Variants in SYNE1 observed in about 807,000 individuals in gnomAD.
The protein encoded by SYNE1 is spectrin repeat containing nuclear envelope protein 1.
SYNE1 carries 616 observed loss-of-function variants against 1,111.0 expected under a neutral mutation model. That is an observed-to-expected ratio of 0.55 (90% CI 0.52 to 0.59). The LOEUF (loss-of-function observed/expected upper bound fraction) is 0.59, where lower values mean the gene tolerates loss of function less well. Among genes scored for constraint, SYNE1 ranks in the 20% least tolerant of loss-of-function variants. SYNE1 has a pLI of 0.00. For synonymous variants in SYNE1, 3,855 were observed against 3,825.8 expected (o/e 1.01, Z -0.28); for missense variants, 10,006 against 10,417.0 (o/e 0.96, Z 1.72).
chr6:152,402,239 T>A (rs2097831771), intron 46 of SYNE1, among the ~76,000 whole-genome samples: 1 of 152,134 alleles, frequency 6.6e-6, no homozygotes, highest in Non-Finnish European at 1.5e-5. Context: ...TTTTTCTGAC[T>A]TTTTTCATGC....
At chr6:152,608,556 T>C (rs2128754564) in intron 3 of SYNE1, among the ~76,000 whole-genome samples, 1 of 152,302 alleles carries the variant, frequency 6.6e-6, no homozygotes, top group East Asian at 1.9e-4. Context: ...GGTCAGACAC[T>C]CTAGAATCCA....
At chr6:152,320,870 A>G (rs1451618107) in intron 84 of SYNE1, among the ~76,000 whole-genome samples, 1 of 152,068 alleles carries the variant, frequency 6.6e-6, no homozygotes, top group Non-Finnish European at 1.5e-5. Flanking sequence ...ATCTTCACCT[A>G]CTTAACTGAC....
intron 44 of SYNE1, among the ~76,000 whole-genome samples, chr6:152,407,489 G>A (rs2154166099): frequency 6.6e-6 from 1 of 152,164 alleles, no homozygotes; most frequent in Non-Finnish European, 1.5e-5. Context: ...CTCAATATAA[G>A]GTTGAATTCT....
intron 3 of SYNE1, among the ~76,000 whole-genome samples, chr6:152,607,860 G>T (rs987207521): frequency 3.3e-5 from 5 of 152,178 alleles, no homozygotes; most frequent in Admixed American, 6.5e-5. Context: ...GCCATAAAAA[G>T]AAATGAGATC....
Position 152,239,661 on chromosome 6 carries a change from G to C in SYNE1, c.19939C>G (p.Leu6647Val). The C allele has an allele frequency of 6.2e-7, 1 of 1,614,212 alleles. No individual in the cohort carries two copies. Among genetic ancestry groups the C allele is most frequent in the Non-Finnish European group, 8.5e-7 (1 of 1,180,042 alleles). The change falls in exon 108 of 146, where the codon CTC (leucine) becomes GTC (valine). Residue 6647 changes from leucine to valine, a missense_variant. Physicochemically the swap from Leu to Val is conservative, Grantham distance 32 (BLOSUM62 1). Around this residue, in one of 7 missense-constraint regions of SYNE1, gnomAD observed 2,182 missense variants for 2,287.8 expected, o/e 0.95. Coordinates refer to ENST00000367255, the MANE Select transcript of SYNE1 (RefSeq NM_182961.4). ...GCAAAGCTGATTATCTTTCTGAAGAGTGTTTCAGTCAAGATCATATGAGAT... is the reference window on the plus strand; with the variant it reads ...GCAAAGCTGATTATCTTTCTGAAGACTGTTTCAGTCAAGATCATATGAGAT... ...LESHMILTETLFRKIISFAVQ... is the reference protein window; with the variant it reads ...LESHMILTETVFRKIISFAVQ...
At chr6:152,283,484 G>A (rs773756968) in intron 96 of SYNE1, among the ~76,000 whole-genome samples, 1 of 152,148 alleles carries the variant, frequency 6.6e-6, no homozygotes, top group Non-Finnish European at 1.5e-5. Flanking sequence ...CATATTCATG[G>A]CTACACACTG....
intron 78 of SYNE1, among the ~76,000 whole-genome samples, chr6:152,327,988 A>G (rs2096125631): frequency 6.6e-6 from 1 of 152,194 alleles, no homozygotes; most frequent in South Asian, 2.1e-4. Context: ...ATTTTATCCA[A>G]TATTAAAATT....
chr6:152,312,713 GAAGAA>G (rs2095591872), intron 87 of SYNE1, among the ~76,000 whole-genome samples: 1 of 149,994 alleles, frequency 6.7e-6, no homozygotes, highest in African/African-American at 2.4e-5. Context: ...AAAATATAAA[GAAGAA>G]AACAAAATAT....
chr6:152,452,562 C>T (rs1163233420), intron 25 of SYNE1, among the ~76,000 whole-genome samples: 1 of 152,144 alleles, frequency 6.6e-6, no homozygotes, highest in Admixed American at 6.6e-5. Context: ...CAAAGTGAGA[C>T]AACCTGATGG....
chr6:152,439,942 C>T (rs930629908), intron 32 of SYNE1, among the ~76,000 whole-genome samples: 1 of 152,136 alleles, frequency 6.6e-6, no homozygotes, highest in Non-Finnish European at 1.5e-5. Context: ...TTTGATGCCC[C>T]ATTGGAGTCT....
chr6:152,453,324 C>G, intron 25 of SYNE1: 1 of 598,722 alleles, frequency 1.7e-6, no homozygotes, highest in Middle Eastern at 4.4e-4. Context: ...TTCTTGCACC[C>G]TGGATTAAAA....
chr6:152,573,914 C>T (rs974550935), intron 3 of SYNE1, among the ~76,000 whole-genome samples: 1 of 152,098 alleles, frequency 6.6e-6, no homozygotes, highest in Non-Finnish European at 1.5e-5. Flanking sequence ...CATCAAAGCT[C>T]TGCTTCACCT....
At chr6:152,454,733 T>C (rs1478127374) in intron 24 of SYNE1, among the ~76,000 whole-genome samples, 1 of 152,198 alleles carries the variant, frequency 6.6e-6, no homozygotes, top group Non-Finnish European at 1.5e-5. Flanking sequence ...GAATGAGATA[T>C]TTTGTGTTTT....
chr6:152,605,039 AGGGAGG>A lies in SYNE1; in HGVS notation c.67+23220_67+23225del, dbSNP rs1565142644. ...GAGAGAGAGAGAGAGAGAGAGAGGG[AGGGAGG>A]GAGGGAGGGAGGGAGGGAGGGAGGG... On this transcript the variant is annotated intron_variant, in intron 3 of 145. Transcript: ENST00000367255. 1.9e-3 allele frequency among the ~76,000 whole-genome samples: 58 copies of A among 30,212 alleles called. 1 individual carries two copies. Among genetic ancestry groups the A allele is most frequent in the Admixed American group, 3.4e-3 (11 of 3,198 alleles). 19.8% of individuals were successfully genotyped at this position (30,212 alleles called of 152,430 possible).
In SYNE1 at chr6:152,201,820, T is replaced by A; in HGVS notation, c.23145+4A>T. On this transcript the variant is annotated splice_donor_region_variant and intron_variant, in intron 127 of 145. Coordinates refer to ENST00000367255, the MANE Select transcript of SYNE1 (RefSeq NM_182961.4). ...ACGGTGAAAATCTCAGTTCAGTAAT[T>A]TACCTTGCAACGCATTTGTTCTGCA... 1 of 1,613,922 alleles carries A rather than the reference T, an allele frequency of 6.2e-7. No homozygotes were observed.
Position 152,606,815 on chromosome 6 carries a change from AT to A in SYNE1, c.67+21449del, listed in dbSNP as rs909967518. Among the ~76,000 whole-genome samples, 785 of 139,010 alleles carry A rather than the reference AT, an allele frequency of 5.6e-3. 5 individuals carry two copies. Among genetic ancestry groups the A allele is most frequent in the Non-Finnish European group, 8.9e-3 (565 of 63,414 alleles). 91.2% of individuals were successfully genotyped at this position (139,010 alleles called of 152,430 possible). ...GGCGCCCGCCACCACGCCCGGCTAA[AT>A]TTTTTTTTTATATATTTTTAGTAGA... On this transcript the variant is annotated intron_variant, in intron 3 of 145. Coordinates refer to ENST00000367255, the MANE Select transcript of SYNE1 (RefSeq NM_182961.4).
chr6:152,611,425 T>A (rs1365404358), intron 3 of SYNE1, among the ~76,000 whole-genome samples: 1 of 152,094 alleles, frequency 6.6e-6, no homozygotes, highest in African/African-American at 2.4e-5. Flanking sequence ...GGTAAAGGGA[T>A]CAATTCAACA....
chr6:152,233,415 C>G (rs1021421020), intron 112 of SYNE1, among the ~76,000 whole-genome samples: 8 of 152,010 alleles, frequency 5.3e-5, no homozygotes, highest in Non-Finnish European at 8.8e-5. Context: ...CCATCTGCCT[C>G]CCCAGTTCAA....
rs545538810 is a variant in SYNE1 at position 152,359,297 on chromosome 6, G to A, written c.10443+18C>T. 21 of 1,613,370 alleles carry A rather than the reference G, an allele frequency of 1.3e-5. No homozygotes were observed. The South Asian group carries it at 2.0e-4, about 15-fold the overall frequency. ...ACTCCCCTTTTGGTGAGTCTACAAG[G>A]AAAGTGCTTTGCCGTACCTTGGCCC... On this transcript the variant is annotated intron_variant, in intron 65 of 145. Transcript: ENST00000367255.
Sources: gnomAD v4.1 joint callset for allele counts (sites outside exome capture counted in the v4.1 genomes callset) on GRCh38, gnomAD v4.1.1 for gene constraint, gnomAD v4.1.1 regional missense constraint, MANE v1.5 for transcripts, NCBI Gene and HGNC (gene_info 2026-07-23, HGNC 2026-07-21) for gene names.